Variants in COL5A3 observed in about 807,000 individuals in gnomAD.
The protein encoded by COL5A3 is collagen type V alpha 3 chain.
A neutral mutation model predicts 250.0 loss-of-function variants in COL5A3; 172 were observed. That is an observed-to-expected ratio of 0.69 (90% CI 0.61 to 0.78). The LOEUF is 0.78. Among genes scored for constraint, COL5A3 ranks in the 30% least tolerant of loss-of-function variants. The probability of loss-of-function intolerance (pLI) is 0.00; values close to 1 mark genes in which losing one functional copy is unlikely to be tolerated. For missense variants in COL5A3, 2,340 were observed against 2,334.4 expected (o/e 1.00, Z -0.05); for synonymous variants, 937 against 900.4 (o/e 1.04, Z -0.73).
Position 9,993,769 on chromosome 19 carries a change from C to A in COL5A3, c.1625G>T (p.Gly542Val). 6.2e-7 allele frequency: 1 copy of A among 1,614,166 alleles called. No homozygotes were observed. ...PGADGARGLPGDTGPKGDRGF... is the reference protein window; with the variant it reads ...PGADGARGLPVDTGPKGDRGF... ...ATCACCTACCTTAGGTCCAGTGTCC[C>A]CTGGGAGGCCCCGAGCTCCATCTGC... Residue 542 changes from glycine (G) to valine (V), a missense_variant, in exon 17 of 67, where the codon GGG (glycine) becomes GTG (valine). Around this residue, in one of 3 missense-constraint regions of COL5A3, gnomAD observed 1,152 missense variants for 1,146.3 expected, o/e 1.00. Transcript: ENST00000264828.
In COL5A3 at chr19:10,010,412, GGA is replaced by G; in HGVS notation, c.-29_-28del. 7.3e-7 allele frequency: 1 copy of G among 1,361,910 alleles called. No homozygotes were observed. The highest frequency in any genetic ancestry group is 3.1e-5 in the East Asian group (1 of 32,358). The allele number at this position is 1,361,910 out of a possible 1,614,324, so 84.4% of individuals were successfully genotyped here. ...CCGGCGGGGCCCACGGGCAAGGCGG[GGA>G]ACCAGTCGGGGCGGCTGCGGGGCGC... On this transcript the variant is annotated 5_prime_UTR_variant, in exon 1 of 67. Coordinates refer to ENST00000264828, the MANE Select transcript of COL5A3 (RefSeq NM_015719.4).
intron 2 of COL5A3, 21 bp downstream of exon 2, chr19:10,006,052 A>T: frequency 6.2e-7 from 1 of 1,612,628 alleles, no homozygotes. Context: ...GGAGGTACCC[A>T]GGCCTCCTAC....
intron 1 of COL5A3, among the ~76,000 whole-genome samples, chr19:10,008,511 C>T (rs183662219): frequency 3.3e-4 from 50 of 152,194 alleles, no homozygotes; most frequent in African/African-American, 1.1e-3. Context: ...AGGGCCCCCA[C>T]GGGGATGTTG....
At position 9,977,574 on chromosome 19, in the gene COL5A3, G is replaced by A; in HGVS notation, c.3126+20C>T. On this transcript the variant is annotated intron_variant, in intron 42 of 66. Coordinates refer to ENST00000264828, the MANE Select transcript of COL5A3 (RefSeq NM_015719.4). ...CAGACCCTGAGGAGGCCCTAGGAAT[G>A]GGATGGGCAAGTCACTTACCCGGGA... is the stretch of plus-strand genomic sequence containing the variant. 2 of 1,555,252 alleles carry A rather than the reference G, an allele frequency of 1.3e-6. No individual in the cohort carries two copies. Among genetic ancestry groups the A allele is most frequent in the Non-Finnish European group, 1.7e-6 (2 of 1,149,738 alleles).
In COL5A3 at chr19:9,973,739, T is replaced by G; in HGVS notation, c.3612+17A>C. 6.2e-7 allele frequency: 1 copy of G among 1,613,982 alleles called. No individual in the cohort carries two copies. Among genetic ancestry groups the G allele is most frequent in the Middle Eastern group, 1.6e-4 (1 of 6,062 alleles). ...TTATCTCTTCCCCCCGTGCAGCCCC[T>G]GCCTTCCCTCACTCACCTTCTCACC... is the stretch of plus-strand genomic sequence containing the variant. On this transcript the variant is annotated intron_variant, in intron 49 of 66. Coordinates refer to ENST00000264828, the MANE Select transcript of COL5A3 (RefSeq NM_015719.4).
chr19:9,985,747 G>A (rs2087090151), intron 31 of COL5A3, 95 bp downstream of exon 31: 1 of 1,142,296 alleles, frequency 8.8e-7, no homozygotes, highest in Non-Finnish European at 1.3e-6. Context: ...CTTGGGGTGG[G>A]CAGCTCATCC....
At chr19:9,974,118 C>T in intron 47 of COL5A3, 53 bp downstream of exon 47, 2 of 1,578,854 alleles carry the variant, frequency 1.3e-6, no homozygotes, top group Non-Finnish European at 1.7e-6. Context: ...TGCCTGCCGC[C>T]AACCTATAAC....
Position 9,968,971 on chromosome 19 carries a change from C to T in COL5A3, c.4153-243G>A. 3.3e-6 allele frequency: 2 copies of T among 601,222 alleles called. No homozygotes were observed. The highest frequency in any genetic ancestry group is 5.9e-6 in the Non-Finnish European group (2 of 341,806). 37.2% of individuals were successfully genotyped at this position (601,222 alleles called of 1,614,324 possible). A position where few individuals can be genotyped will look rare whatever the true frequency, so the allele number is the denominator to read the frequency against. ...GGTCAGCGTGGGTGATCAGTGTAGA[C>T]CATTAAGATGGAGAGTCAGTGCAGG... On this transcript the variant is annotated intron_variant, in intron 57 of 66. Coordinates refer to ENST00000264828, the MANE Select transcript of COL5A3 (RefSeq NM_015719.4). The surrounding 1 kb of genome is among the most constrained non-coding windows in gnomAD (Gnocchi z 4.1).
chr19:9,996,233 C>T lies in COL5A3; in HGVS notation c.1452G>A (p.Val484=), dbSNP rs1464956146. ...QLSMKGPPGP[V]GLTGRPGPVG... is the part of the protein sequence containing the mutation. ...CAGGGCCTGGGCGCCCAGTGAGCCC[C>T]ACTGGACCAGGGGGGCCTTTCATAG... Residue 484 remains valine (V), a synonymous_variant, in exon 14 of 67, where the codon GTG becomes GTA. Coordinates refer to ENST00000264828, the MANE Select transcript of COL5A3 (RefSeq NM_015719.4). The T allele has an allele frequency of 6.3e-7, 1 of 1,578,128 alleles. No individual in the cohort carries two copies. The highest frequency in any genetic ancestry group is 1.9e-5 in the Admixed American group (1 of 52,638).
chr19:9,961,000 C>G, intron 65 of COL5A3, 110 bp from the exon 66 acceptor site: 2 of 1,378,800 alleles, frequency 1.5e-6, no homozygotes, highest in East Asian at 2.3e-5. Flanking sequence ...CCCCCCATGT[C>G]ACCATCTCTG....
intron 11 of COL5A3, chr19:9,997,023 TAG>T (rs906052648): frequency 1.2e-5 from 6 of 501,714 alleles, no homozygotes; most frequent in Non-Finnish European, 2.1e-5. Flanking sequence ...GATGGAGAAA[TAG>T]AGAGAGAGGC....
At chr19:9,998,288 A>ACTC in intron 8 of COL5A3, 139 bp from the exon 9 acceptor site, 1 of 853,646 alleles carries the variant, frequency 1.2e-6, no homozygotes, top group Non-Finnish European at 1.8e-6. Context: ...CTTCTCCTCT[A>ACTC]CTGTAACCAA....
chr19:9,966,440 A>T lies in COL5A3; in HGVS notation c.4670-14T>A. On this transcript the variant is annotated splice_polypyrimidine_tract_variant and intron_variant, in intron 63 of 66. Transcript: ENST00000264828. ...TCCAGTATTCCCCTGCCGCAGAGCC[A>T]GGCAGGGTGGGTGAGTCCGGATGGG... The T allele has an allele frequency of 1.3e-6, 2 of 1,586,192 alleles. No individual in the cohort carries two copies. The highest frequency in any genetic ancestry group is 1.7e-6 in the Non-Finnish European group (2 of 1,162,446).
chr19:9,993,037 G>T lies in COL5A3; in HGVS notation c.1780C>A (p.Gln594Lys). The T allele has an allele frequency of 1.2e-6, 2 of 1,613,844 alleles. No homozygotes were observed. The highest frequency in any genetic ancestry group is 2.2e-5 in the South Asian group (2 of 91,052). Residue 594 changes from glutamine (Q) to lysine (K), a missense_variant, in exon 20 of 67, where the codon CAG (glutamine) becomes AAG (lysine). This residue lies in a region of COL5A3 where 1,152 missense variants were observed against 1,146.3 expected (regional missense o/e 1.00). Coordinates refer to ENST00000264828, the MANE Select transcript of COL5A3 (RefSeq NM_015719.4). Reference protein sequence around the residue: ...GAEGPPGPTGQAGEPGPRGLL... With the variant: ...GAEGPPGPTGKAGEPGPRGLL... ...CTGATACTCACCGGCTCCCCAGCCT[G>T]GCCAGTGGGCCCTGGAGGTCCCTCT...
intron 30 of COL5A3, 82 bp downstream of exon 30, chr19:9,986,233 G>T: frequency 3.1e-6 from 3 of 973,446 alleles, no homozygotes; most frequent in Admixed American, 2.4e-5. Context: ...GAGGTCGAAG[G>T]TATAATAAAA....
chr19:9,993,592 C>T, intron 18 of COL5A3, 27 bp downstream of exon 18: 1 of 1,613,090 alleles, frequency 6.2e-7, no homozygotes, highest in Non-Finnish European at 8.5e-7. Context: ...AGGGCTTAGA[C>T]TTGGGGGAGG....
At chr19:9,973,085 G>A in intron 50 of COL5A3, 59 bp from the exon 51 acceptor site, 1 of 1,443,830 alleles carries the variant, frequency 6.9e-7, no homozygotes, top group African/African-American at 1.4e-5. Context: ...TCAAGGATTA[G>A]CATACTTGGA....
intron 16 of COL5A3, 98 bp downstream of exon 16, chr19:9,995,466 C>G (rs563012990): frequency 9.2e-7 from 1 of 1,089,756 alleles, no homozygotes; most frequent in African/African-American, 1.6e-5. Context: ...TCTTTTCCCA[C>G]TAACGACACC....
Position 9,979,898 on chromosome 19 carries a change from G to A in COL5A3, c.2659-6C>T. 6.4e-7 allele frequency: 1 copy of A among 1,570,940 alleles called. No individual in the cohort carries two copies. Among genetic ancestry groups the A allele is most frequent in the Non-Finnish European group, 8.6e-7 (1 of 1,165,690 alleles). Reference sequence around the variant, plus strand: ...CCATCTTTACCTTGGTGACCCTGGGGGATGAGGTGGGAAAAAGTTGGGGCA... The same window carrying A: ...CCATCTTTACCTTGGTGACCCTGGGAGATGAGGTGGGAAAAAGTTGGGGCA... On this transcript the variant is annotated splice_polypyrimidine_tract_variant and splice_region_variant and intron_variant, in intron 36 of 66. Coordinates refer to ENST00000264828, the MANE Select transcript of COL5A3 (RefSeq NM_015719.4).
Sources: allele counts gnomAD v4.1 joint callset (sites outside exome capture counted in the v4.1 genomes callset), GRCh38; gene constraint gnomAD v4.1.1; regional missense constraint gnomAD v4.1.1; non-coding constraint Gnocchi (gnomAD v3.1); transcripts MANE v1.5; gene names NCBI Gene and HGNC (gene_info 2026-07-23, HGNC 2026-07-21).